Variants in ICE2 observed in about 807,000 individuals in gnomAD.
The protein encoded by ICE2 is interactor of little elongation complex ELL subunit 2, also known as little elongation complex subunit 2.
In ICE2, 87 loss-of-function variants were observed where a neutral mutation model predicts 105.4. The observed-to-expected ratio is 0.83, with a 90% CI of 0.69 to 0.99. The LOEUF (loss-of-function observed/expected upper bound fraction) is 0.99, where lower values mean the gene tolerates loss of function less well. Among genes scored for constraint, ICE2 ranks in the 50% least tolerant of loss-of-function variants. The pLI is 0.00. For synonymous variants in ICE2, 399 were observed against 392.0 expected, an observed-to-expected ratio of 1.02 and a Z score of -0.21; for missense variants, 1,323 against 1,146.7, an observed-to-expected ratio of 1.15 and a Z score of -2.22.
chr15:60,428,421 G>T lies in ICE2; in HGVS notation c.2820+8C>A. On this transcript the variant is annotated splice_region_variant and intron_variant, in intron 15 of 15. Transcript: ENST00000261520. ...CTAATGAACCTTTAATTTCAAAAAA[G>T]ATCTTACCTTTTGTTGTGTTGTGGT... is the stretch of plus-strand genomic sequence containing the variant. 1 of 1,608,040 alleles carries T rather than the reference G, an allele frequency of 6.2e-7. No homozygotes were observed. The highest frequency in any genetic ancestry group is 8.5e-7 in the Non-Finnish European group (1 of 1,176,090).
rs1316284490 is a variant in ICE2, at chr15:60,420,461, G to A, written c.*3173C>T. On this transcript the variant is annotated 3_prime_UTR_variant, in exon 16 of 16. Transcript: ENST00000261520. ...GCATTCTCTAGACTAATGCCAACAA[G>A]AGCCCTTTTCAAATACATATCTGAT... The A allele has an allele frequency of 1.3e-5, 2 of 152,130 alleles. No individual in the cohort carries two copies. Among genetic ancestry groups the A allele is most frequent in the South Asian group, 2.1e-4 (1 of 4,824 alleles). The allele number at this position is 152,130 out of a possible 1,614,324, so 9.4% of individuals were successfully genotyped here.
At chr15:60,442,606 T>A in intron 11 of ICE2, 61 bp from the exon 12 acceptor site, 1 of 1,344,128 alleles carries the variant, frequency 7.4e-7, no homozygotes, top group Non-Finnish European at 1.0e-6. Flanking sequence ...AGCAAATACA[T>A]TTGCCTATAC....
At position 60,448,860 on chromosome 15, in the gene ICE2, T is replaced by A; in HGVS notation, c.2107A>T (p.Lys703Ter). ...AATATTTACTTACGTCCTTTTGGCTTCTGAAATGCAGAAGGCCATCCAGAT... is the reference window on the plus strand; with the variant it reads ...AATATTTACTTACGTCCTTTTGGCTACTGAAATGCAGAAGGCCATCCAGAT... ...PKSGWPSAFQ[K>*]PKGRLPYELQ... The change falls in exon 10 of 16, where the codon AAG (lysine) becomes TAG (stop). Residue 703 changes from lysine to a stop codon, truncating the protein, a stop_gained. Coordinates refer to ENST00000261520, the MANE Select transcript of ICE2 (RefSeq NM_024611.6). LOFTEE classifies it high-confidence loss of function. 1 of 1,580,770 alleles carries A rather than the reference T, an allele frequency of 6.3e-7. No homozygotes were observed. Among genetic ancestry groups the A allele is most frequent in the Non-Finnish European group, 8.6e-7 (1 of 1,168,524 alleles).
chr15:60,422,444 G>A lies in ICE2; in HGVS notation c.*1190C>T, dbSNP rs1438391121. 2.0e-5 allele frequency: 3 copies of A among 152,038 alleles called. No homozygotes were observed. Among genetic ancestry groups the A allele is most frequent in the Non-Finnish European group, 4.4e-5 (3 of 68,056 alleles). 9.4% of individuals were successfully genotyped at this position (152,038 alleles called of 1,614,324 possible). The stretch of plus-strand genomic sequence containing the variant: ...CCCGGCCCTGTCTGTAGTTTCTTAA[G>A]TCCAAATTTGCTACAGCAACATCAG... On this transcript the variant is annotated 3_prime_UTR_variant, in exon 16 of 16. Transcript: ENST00000261520.
At chr15:60,473,048 ATCC>A (rs1296676418) in intron 3 of ICE2, among the ~76,000 whole-genome samples, 2 of 151,860 alleles carry the variant, frequency 1.3e-5, no homozygotes, top group East Asian at 1.9e-4. Flanking sequence ...GGGTCAAGTG[ATCC>A]TCCTACCTCA....
At chr15:60,460,800 T>C (rs908488950) in intron 5 of ICE2, among the ~76,000 whole-genome samples, 19 of 152,204 alleles carry the variant, frequency 1.2e-4, no homozygotes, top group African/African-American at 4.1e-4. Flanking sequence ...TAGATATTCA[T>C]AGATATTCAT....
chr15:60,457,762 G>A (rs1235525045), intron 5 of ICE2, among the ~76,000 whole-genome samples: 1 of 151,956 alleles, frequency 6.6e-6, no homozygotes, highest in Non-Finnish European at 1.5e-5. Context: ...TTTAATTCAT[G>A]GTATCATTTG....
At chr15:60,457,225 G>A (rs2064151262) in intron 5 of ICE2, among the ~76,000 whole-genome samples, 1 of 152,058 alleles carries the variant, frequency 6.6e-6, no homozygotes, top group African/African-American at 2.4e-5. Context: ...AAAAATCAAT[G>A]AGAAATGTTA....
chr15:60,437,496 TA>T (rs777701345), intron 12 of ICE2, among the ~76,000 whole-genome samples: 166 of 151,762 alleles, frequency 1.1e-3, no homozygotes, highest in Non-Finnish European at 2.1e-3. Flanking sequence ...CAGGCCTGGC[TA>T]ATTTTTTGTA....
rs748282201 is a variant in ICE2 at position 60,456,658 on chromosome 15, A to G, written c.665T>C (p.Leu222Ser). The change falls in exon 6 of 16, where the codon TTG (leucine) becomes TCG (serine). Residue 222 changes from leucine to serine, a missense_variant and splice_region_variant. Leu to Ser is a moderately radical substitution (Grantham distance 145). Coordinates refer to ENST00000261520, the MANE Select transcript of ICE2 (RefSeq NM_024611.6). ...ATATCGTCTGATAATAAACCTTACC[A>G]ATGCGAGAAGAGTTTTTTCTAACTT... is the stretch of plus-strand genomic sequence containing the variant. ...GLKLEKTLLA[L>S]GSVKYVKTVF... 4.4e-6 allele frequency: 7 copies of G among 1,582,460 alleles called. No individual in the cohort carries two copies. The Admixed American group carries it at 1.3e-4, about 29-fold the overall frequency.
intron 5 of ICE2, among the ~76,000 whole-genome samples, chr15:60,460,918 A>AC (rs1213078446): frequency 6.6e-6 from 1 of 152,188 alleles, no homozygotes; most frequent in East Asian, 1.9e-4. Context: ...AGCCCTTTAG[A>AC]TTAGGGTTTC....
intron 4 of ICE2, among the ~76,000 whole-genome samples, chr15:60,467,165 G>A (rs577895229): frequency 2.6e-5 from 4 of 152,264 alleles, no homozygotes; most frequent in African/African-American, 9.6e-5. Flanking sequence ...GTTTCGCCAT[G>A]TTGGCCAAGC....
intron 11 of ICE2, among the ~76,000 whole-genome samples, chr15:60,444,692 A>T (rs1027516092): frequency 6.6e-5 from 10 of 150,960 alleles, no homozygotes; most frequent in East Asian, 1.9e-4. Flanking sequence ...CTTTATTATT[A>T]TTTTTTTTTG....
At chr15:60,473,917 C>CT (rs1419435748) in intron 3 of ICE2, among the ~76,000 whole-genome samples, 5 of 151,718 alleles carry the variant, frequency 3.3e-5, no homozygotes, top group African/African-American at 7.3e-5. Flanking sequence ...AAAATTGTCT[C>CT]TTTTTTTTGT....
rs754378799 is a variant in ICE2 at position 60,453,681 on chromosome 15, A to C, written c.1047T>G (p.Phe349Leu). The stretch of plus-strand genomic sequence containing the variant: ...GAACAGATGTGTTTTTGGACATCAT[A>C]AATTTTAATGGAACTTCATGAAAGA... ...NQIFHEVPLK[F>L]MMSKNTSVPV... Residue 349 changes from phenylalanine to leucine, a missense_variant, in exon 9 of 16, where the codon TTT becomes TTG. Transcript: ENST00000261520. 6.2e-7 allele frequency: 1 copy of C among 1,613,458 alleles called. No homozygotes were observed. The highest frequency in any genetic ancestry group is 1.1e-5 in the South Asian group (1 of 91,068).
chr15:60,445,690 T>C, intron 11 of ICE2: 1 of 985,252 alleles, frequency 1.0e-6, no homozygotes, highest in Non-Finnish European at 1.2e-6. Flanking sequence ...ACAATGTCCT[T>C]ACCAAGCTGT....
At chr15:60,437,209 A>C (rs1053180264) in intron 12 of ICE2, among the ~76,000 whole-genome samples, 4 of 151,876 alleles carry the variant, frequency 2.6e-5, no homozygotes, top group Non-Finnish European at 4.4e-5. Flanking sequence ...GAGCCGATAC[A>C]GTGCTACAGC....
At chr15:60,464,165 G>A (rs1253161010) in intron 5 of ICE2, among the ~76,000 whole-genome samples, 1 of 152,152 alleles carries the variant, frequency 6.6e-6, no homozygotes, top group Non-Finnish European at 1.5e-5. Context: ...GAGAAAATGT[G>A]CTGCCACATC....
intron 3 of ICE2, among the ~76,000 whole-genome samples, chr15:60,475,205 C>A (rs756312534): frequency 6.6e-6 from 1 of 151,976 alleles, no homozygotes; most frequent in Non-Finnish European, 1.5e-5. Flanking sequence ...ACTTGGTTTC[C>A]GGATTCATCA....
Sources: gnomAD v4.1 joint callset for allele counts (sites outside exome capture counted in the v4.1 genomes callset) on GRCh38, gnomAD v4.1.1 for gene constraint, MANE v1.5 for transcripts, NCBI Gene and HGNC (gene_info 2026-07-23, HGNC 2026-07-21) for gene names.